DDX31: variants seen among roughly 807,000 people sequenced by gnomAD.
DDX31 encodes the protein DEAD-box helicase 31, also known as ATP-dependent DNA helicase DDX31.
In DDX31, 70 loss-of-function variants were observed where a neutral mutation model predicts 91.3. The observed-to-expected ratio is 0.77, with a 90% CI of 0.63 to 0.94. The LOEUF (loss-of-function observed/expected upper bound fraction) is 0.94, where lower values mean the gene tolerates loss of function less well. Ranked by LOEUF, DDX31 falls within the 40% of genes least tolerant of loss-of-function variation. DDX31 has a pLI of 0.00. For missense variants in DDX31, 902 were observed against 925.0 expected, an observed-to-expected ratio of 0.98 and a Z score of 0.32; for synonymous variants, 362 against 350.6, an observed-to-expected ratio of 1.03 and a Z score of -0.36.
chr9:132,667,134 C>T (rs1028115172), intron 1 of DDX31, among the ~76,000 whole-genome samples: 1 of 151,912 alleles, frequency 6.6e-6, no homozygotes, highest in African/African-American at 2.4e-5. Context: ...CAGGTGTGAG[C>T]CACCTCGCCC....
intron 1 of DDX31, 40 bp from the exon 2 acceptor site, chr9:132,662,735 T>G (rs779254300): frequency 6.2e-7 from 1 of 1,611,822 alleles, no homozygotes; most frequent in African/African-American, 1.3e-5. Flanking sequence ...AAGAGATGCA[T>G]TAGTCCATGA....
At chr9:132,630,240 A>T (rs1199892060) in intron 16 of DDX31, 24 bp downstream of exon 16, 1 of 1,561,298 alleles carries the variant, frequency 6.4e-7, no homozygotes, top group South Asian at 1.2e-5. Flanking sequence ...ACCAGCCGAA[A>T]CCCCATTCAG....
rs567121619 is a variant in DDX31, at chr9:132,661,104, G to A, written c.452+104C>T. On this transcript the variant is annotated intron_variant, in intron 4 of 19. Coordinates refer to ENST00000372159, the MANE Select transcript of DDX31 (RefSeq NM_022779.9). The stretch of plus-strand genomic sequence containing the variant: ...TTTATGGTCGATAACCTGGCACTGT[G>A]TTCCAACGCCAAGACACAAATTTGC... 6.1e-4 allele frequency: 592 copies of A among 964,532 alleles called. 2 individuals are homozygous for A. In the South Asian group the frequency reaches 7.7e-3, roughly 13 times the overall value. 59.7% of individuals were successfully genotyped at this position (964,532 alleles called of 1,614,324 possible).
chr9:132,656,814 G>C (rs970963619), intron 6 of DDX31, among the ~76,000 whole-genome samples: 1 of 152,176 alleles, frequency 6.6e-6, no homozygotes, highest in African/African-American at 2.4e-5. Flanking sequence ...CTGGCAAGAT[G>C]CTCTCCTGGA....
At chr9:132,626,324 C>T (rs961248888) in intron 16 of DDX31, among the ~76,000 whole-genome samples, 1 of 152,160 alleles carries the variant, frequency 6.6e-6, no homozygotes, top group Non-Finnish European at 1.5e-5. Context: ...GGATCTCTAA[C>T]GAAGCCGGAG....
chr9:132,609,639 T>G (rs1831215919), intron 19 of DDX31, among the ~76,000 whole-genome samples: 1 of 152,162 alleles, frequency 6.6e-6, no homozygotes, highest in African/African-American at 2.4e-5. Context: ...TTTTCTTCTT[T>G]GAGACAGCGT....
At chr9:132,638,421 TTTGA>T in intron 14 of DDX31, 1 of 1,611,668 alleles carries the variant, frequency 6.2e-7, no homozygotes, top group Non-Finnish European at 8.5e-7. Context: ...ATCTGATCCC[TTTGA>T]TTGCTTAATT....
rs370757221 is a variant in DDX31, at chr9:132,647,061, T to C, written c.968-3A>G. On this transcript the variant is annotated splice_polypyrimidine_tract_variant and splice_region_variant and intron_variant, in intron 11 of 19. Transcript: ENST00000372159. ...GATATCAGCTAGCCGCGTTACACCT[T>C]GGATAAAAGTAAGAAGGGCAAAGCA... 6.3e-7 allele frequency: 1 copy of C among 1,598,178 alleles called. No homozygotes were observed. Among genetic ancestry groups the C allele is most frequent in the Non-Finnish European group, 8.5e-7 (1 of 1,171,824 alleles).
intron 6 of DDX31, among the ~76,000 whole-genome samples, chr9:132,655,797 C>T (rs17149416): frequency 0.2 from 30,792 of 152,228 alleles, 3,932 homozygotes; most frequent in East Asian, 0.4. Context: ...CAAAGCTAAG[C>T]ACAGAGTTAA....
At chr9:132,643,006 A>C (rs1258585258) in intron 13 of DDX31, among the ~76,000 whole-genome samples, 1 of 151,986 alleles carries the variant, frequency 6.6e-6, no homozygotes, top group Non-Finnish European at 1.5e-5. Context: ...GTATTTTCTG[A>C]AGAGACGAGG....
In DDX31 at chr9:132,620,378, C is replaced by T. The variant is rs188984207; in HGVS notation, c.1714-1937G>A. On this transcript the variant is annotated intron_variant, in intron 17 of 19. Coordinates refer to ENST00000372159, the MANE Select transcript of DDX31 (RefSeq NM_022779.9). Reference sequence around the variant, plus strand: ...TATATTACAAAGGGCTTTTCTTATTCCCCCCTTTAGGTTTCAAAATGAGGC... The same window carrying T: ...TATATTACAAAGGGCTTTTCTTATTTCCCCCTTTAGGTTTCAAAATGAGGC... 2.2e-3 allele frequency among the ~76,000 whole-genome samples: 328 copies of T among 151,424 alleles called. 4 individuals carry two copies. Among genetic ancestry groups the T allele is most frequent in the African/African-American group, 7.6e-3 (312 of 41,216 alleles).
intron 14 of DDX31, chr9:132,637,971 G>A: frequency 9.8e-7 from 1 of 1,017,262 alleles, no homozygotes; most frequent in Non-Finnish European, 1.2e-6. Context: ...TTCCCCAGGA[G>A]GAGAGGAAAT....
At chr9:132,602,609 A>G (rs919152332) in intron 19 of DDX31, among the ~76,000 whole-genome samples, 25 of 152,148 alleles carry the variant, frequency 1.6e-4, no homozygotes, top group African/African-American at 5.5e-4. Flanking sequence ...AAAAAGTTAG[A>G]TCCAAATCTT....
chr9:132,649,651 AG>A (rs1414955275), intron 9 of DDX31, among the ~76,000 whole-genome samples: 1 of 152,218 alleles, frequency 6.6e-6, no homozygotes, highest in Non-Finnish European at 1.5e-5. Flanking sequence ...TTGAGGTTTC[AG>A]GTTTCATATT....
At chr9:132,622,959 C>T (rs965301698) in intron 17 of DDX31, among the ~76,000 whole-genome samples, 3 of 151,864 alleles carry the variant, frequency 2.0e-5, no homozygotes, top group South Asian at 2.1e-4. Context: ...GGTGAAACCC[C>T]GTCTCTACTA....
intron 14 of DDX31, 148 bp from the exon 15 acceptor site, chr9:132,632,239 T>TACACACACACACACACACACACA (rs1491406800): frequency 1.9e-5 from 1 of 52,464 alleles, no homozygotes; most frequent in Non-Finnish European, 6.5e-5. Context: ...GCCCAGTACG[T>TACACACACACACACACACACACA]GTACACACAC....
chr9:132,661,283 T>C (rs1834925784), intron 3 of DDX31, 32 bp from the exon 4 acceptor site: 8 of 1,499,620 alleles, frequency 5.3e-6, no homozygotes, highest in Non-Finnish European at 7.4e-6. Context: ...CTTTAATTAA[T>C]ATTTTGATAC....
intron 17 of DDX31, among the ~76,000 whole-genome samples, chr9:132,620,121 G>A (rs1415338100): frequency 6.6e-6 from 1 of 151,998 alleles, no homozygotes; most frequent in Non-Finnish European, 1.5e-5. Context: ...AATAAACAGA[G>A]CTCCAGCCCT....
chr9:132,669,470 T>TAAAAA, intron 1 of DDX31: 4 of 669,460 alleles, frequency 6.0e-6, no homozygotes, highest in Non-Finnish European at 8.6e-6. Context: ...GTGGGCAAGA[T>TAAAAA]AAAAAAAAAA....
Sources: allele counts gnomAD v4.1 joint callset (sites outside exome capture counted in the v4.1 genomes callset), GRCh38; gene constraint gnomAD v4.1.1; transcripts MANE v1.5; gene names NCBI Gene and HGNC (gene_info 2026-07-23, HGNC 2026-07-21).